Variants in IL1RAP observed in about 807,000 individuals in gnomAD.
The protein encoded by IL1RAP is interleukin 1 receptor accessory protein.
A neutral mutation model predicts 60.7 loss-of-function variants in IL1RAP; 35 were observed. The observed-to-expected ratio is 0.58, with a 90% confidence interval of 0.44 to 0.76. The LOEUF (loss-of-function observed/expected upper bound fraction) is 0.76, where lower values mean the gene tolerates loss of function less well. IL1RAP is among the 30% of genes least tolerant of loss of function. IL1RAP has a pLI of 0.00. For missense variants in IL1RAP, 572 were observed against 693.9 expected, an observed-to-expected ratio of 0.82 and a Z score of 1.97; for synonymous variants, 268 against 250.9, an observed-to-expected ratio of 1.07 and a Z score of -0.64.
chr3:190,598,239 G>A (rs1729552256), intron 3 of IL1RAP, among the ~76,000 whole-genome samples: 1 of 152,154 alleles, frequency 6.6e-6, no homozygotes, highest in Non-Finnish European at 1.5e-5. Context: ...AAATACCAAT[G>A]GCAGTGACAT....
At chr3:190,591,430 T>C (rs1312113251) in intron 3 of IL1RAP, among the ~76,000 whole-genome samples, 2 of 152,166 alleles carry the variant, frequency 1.3e-5, no homozygotes, top group Non-Finnish European at 2.9e-5. Flanking sequence ...ACCACTATCA[T>C]ATATTGTTTA....
At chr3:190,638,900 T>A (rs1733438505) in intron 9 of IL1RAP, among the ~76,000 whole-genome samples, 1 of 152,162 alleles carries the variant, frequency 6.6e-6, no homozygotes, top group Non-Finnish European at 1.5e-5. Context: ...TATCTATTTC[T>A]TTTCTTTCAG....
intron 1 of IL1RAP, among the ~76,000 whole-genome samples, chr3:190,543,466 T>A (rs931527061): frequency 2.0e-5 from 3 of 152,130 alleles, no homozygotes; most frequent in African/African-American, 7.2e-5. Flanking sequence ...CATACACACT[T>A]ATTTAATAGT....
At chr3:190,537,870 G>C (rs1012156207) in intron 1 of IL1RAP, among the ~76,000 whole-genome samples, 1 of 151,750 alleles carries the variant, frequency 6.6e-6, no homozygotes, top group Non-Finnish European at 1.5e-5. Context: ...GTAATTCCTT[G>C]CCTACTCACC....
intron 3 of IL1RAP, among the ~76,000 whole-genome samples, chr3:190,570,841 C>T (rs1476853392): frequency 1.3e-5 from 2 of 152,170 alleles, no homozygotes; most frequent in Non-Finnish European, 2.9e-5. Context: ...GCTGGAATGG[C>T]AGGCTACTTT....
At position 190,644,567 on chromosome 3, in the gene IL1RAP, T is replaced by G. The variant is rs145093043; in HGVS notation, c.1201+170T>G. 7.0e-4 allele frequency among the ~76,000 whole-genome samples: 107 copies of G among 152,334 alleles called. 1 individual carries two copies. In the East Asian group the frequency reaches 0.01, roughly 14 times the overall value. On this transcript the variant is annotated intron_variant, in intron 10 of 11. Transcript: ENST00000447382. ...TGCTATTAGAAATCTTTCCGAAGAT[T>G]ATTATTCTATTTTCTTGGATTAATT...
chr3:190,547,446 C>T (rs1406430677), intron 1 of IL1RAP, among the ~76,000 whole-genome samples: 1 of 152,206 alleles, frequency 6.6e-6, no homozygotes, highest in African/African-American at 2.4e-5. Context: ...CAGACTCACA[C>T]AGACCTCCTC....
chr3:190,585,831 A>G (rs190328212), intron 3 of IL1RAP, among the ~76,000 whole-genome samples: 3 of 151,924 alleles, frequency 2.0e-5, no homozygotes, highest in Admixed American at 1.3e-4. Context: ...AGAAAAAAAG[A>G]AAAAAAAGTC....
At chr3:190,608,943 C>T (rs537054512) in intron 4 of IL1RAP, 52 bp from the exon 5 acceptor site, 7 of 1,413,628 alleles carry the variant, frequency 5.0e-6, no homozygotes, top group Middle Eastern at 1.8e-4. Context: ...TGTGGTTGCT[C>T]TATGAAATCA....
Position 190,650,525 on chromosome 3 carries a change from T to G in IL1RAP, c.*1820T>G. ...TTGGTATCCTGTGAAACAGAATAAT[T>G]CGTAATTTAAGAAAGCCCTTATCCC... On this transcript the variant is annotated 3_prime_UTR_variant, in exon 12 of 12. Transcript: ENST00000447382. The G allele has an allele frequency of 1.0e-6, 1 of 980,436 alleles. No individual in the cohort carries two copies. Among genetic ancestry groups the G allele is most frequent in the Non-Finnish European group, 1.2e-6 (1 of 825,386 alleles). The allele number at this position is 980,436 out of a possible 1,614,324, so 60.7% of individuals were successfully genotyped here.
intron 1 of IL1RAP, among the ~76,000 whole-genome samples, chr3:190,553,734 GC>G (rs1343578136): frequency 1.3e-5 from 2 of 152,168 alleles, no homozygotes; most frequent in Non-Finnish European, 2.9e-5. Context: ...GTTTCCTCTA[GC>G]CTCAGAAGTC....
At chr3:190,596,917 G>A (rs1364989514) in intron 3 of IL1RAP, among the ~76,000 whole-genome samples, 2 of 152,128 alleles carry the variant, frequency 1.3e-5, no homozygotes, top group African/African-American at 4.8e-5. Context: ...AATATAAAAA[G>A]CTCTGACAAA....
At chr3:190,533,862 G>A (rs1723198691) in intron 1 of IL1RAP, among the ~76,000 whole-genome samples, 1 of 152,162 alleles carries the variant, frequency 6.6e-6, no homozygotes, top group Non-Finnish European at 1.5e-5. Flanking sequence ...GCGGTTGGCA[G>A]CATATGAGAA....
chr3:190,604,194 G>A lies in IL1RAP; in HGVS notation c.131G>A (p.Arg44His), dbSNP rs138967210. The change falls in exon 4 of 12, where the codon CGC becomes CAC. Residue 44 changes from arginine (R) to histidine (H), a missense_variant. Physicochemically the swap from Arg to His is conservative, Grantham distance 29. Coordinates refer to ENST00000447382, the MANE Select transcript of IL1RAP (RefSeq NM_002182.4). ...QIQVFEDEPA[R>H]IKCPLFEHFL... ...CAAGTGTTTGAAGATGAGCCAGCTCGCATCAAGTGCCCACTCTTTGAACAC... is the reference window on the plus strand; with the variant it reads ...CAAGTGTTTGAAGATGAGCCAGCTCACATCAAGTGCCCACTCTTTGAACAC... 12 of 1,613,910 alleles carry A rather than the reference G, an allele frequency of 7.4e-6. No individual in the cohort carries two copies. The highest frequency in any genetic ancestry group is 1.7e-5 in the Admixed American group (1 of 59,990).
Position 190,604,481 on chromosome 3 carries a change from G to T in IL1RAP, c.350+68G>T. Reference sequence around the variant, plus strand: ...TTCTGGGCTCTTTTCCGGATGATCCGTGTGCTAGGAAGCTGGGGAGAAGTC... The same window carrying T: ...TTCTGGGCTCTTTTCCGGATGATCCTTGTGCTAGGAAGCTGGGGAGAAGTC... On this transcript the variant is annotated intron_variant, in intron 4 of 11. Coordinates refer to ENST00000447382, the MANE Select transcript of IL1RAP (RefSeq NM_002182.4). 3 of 1,506,484 alleles carry T rather than the reference G, an allele frequency of 2.0e-6. No individual in the cohort carries two copies. The South Asian group carries it at 3.8e-5, about 19-fold the overall frequency. The allele number at this position is 1,506,484 out of a possible 1,614,324, so 93.3% of individuals were successfully genotyped here. A position where few individuals can be genotyped will look rare whatever the true frequency, so the allele number is the denominator to read the frequency against.
rs1284156338 is a variant in IL1RAP at position 190,604,258 on chromosome 3, C to A, written c.195C>A (p.Gly65=). 6.2e-7 allele frequency: 1 copy of A among 1,613,972 alleles called. No individual in the cohort carries two copies. Among genetic ancestry groups the A allele is most frequent in the Non-Finnish European group, 8.5e-7 (1 of 1,180,018 alleles). The part of the protein sequence containing the change: ...KFNYSTAHSA[G]LTLIWYWTRQ... ...ACTACAGCACAGCCCATTCAGCTGGCCTTACTCTGATCTGGTATTGGACTA... is the reference window on the plus strand; with the variant it reads ...ACTACAGCACAGCCCATTCAGCTGGACTTACTCTGATCTGGTATTGGACTA... The change falls in exon 4 of 12, where the codon GGC becomes GGA. Residue 65 remains glycine, a synonymous_variant. Coordinates refer to ENST00000447382, the MANE Select transcript of IL1RAP (RefSeq NM_002182.4).
rs773608948 is a variant in IL1RAP, at chr3:190,627,425, C to T, written c.878C>T (p.Thr293Ile). The T allele has an allele frequency of 8.1e-6, 13 of 1,605,422 alleles. No individual in the cohort carries two copies. The highest frequency in any genetic ancestry group is 8.5e-7 in the Non-Finnish European group (1 of 1,173,562). ...GATGGAAAAAAACCTGATGACATCA[C>T]TATTGATGTCACCATTAACGAAAGG... ...TIDGKKPDDITIDVTINESIS... is the reference protein window; with the variant it reads ...TIDGKKPDDIIIDVTINESIS... The change falls in exon 8 of 12, where the codon ACT becomes ATT. Residue 293 changes from threonine to isoleucine, a missense_variant. Thr to Ile is a moderately conservative substitution (Grantham distance 89). Transcript: ENST00000447382.
At chr3:190,606,459 C>G (rs377281297) in intron 4 of IL1RAP, among the ~76,000 whole-genome samples, 1 of 152,206 alleles carries the variant, frequency 6.6e-6, no homozygotes, top group Non-Finnish European at 1.5e-5. Context: ...CATTTCCCAA[C>G]GGGAAGAAGT....
chr3:190,539,334 C>T (rs1723734969), intron 1 of IL1RAP, among the ~76,000 whole-genome samples: 1 of 152,088 alleles, frequency 6.6e-6, no homozygotes, highest in Non-Finnish European at 1.5e-5. Flanking sequence ...AGGAAAATAA[C>T]ATTGTTTTAG....
Sources: gnomAD v4.1 joint callset for allele counts (sites outside exome capture counted in the v4.1 genomes callset) on GRCh38, gnomAD v4.1.1 for gene constraint, MANE v1.5 for transcripts, NCBI Gene and HGNC (gene_info 2026-07-23, HGNC 2026-07-21) for gene names.